ZNF248: variants seen among roughly 807,000 people sequenced by gnomAD.
The protein encoded by ZNF248 is KRAB protein domain.
ZNF248 carries 20 observed loss-of-function variants against 44.3 expected under a neutral mutation model. The ratio of observed to expected loss-of-function variants is 0.45; its 90% CI spans 0.32 to 0.66. The LOEUF (loss-of-function observed/expected upper bound fraction) is 0.66. ZNF248 is among the 30% of genes least tolerant of loss of function. The pLI is 0.04. For missense variants in ZNF248, 654 were observed against 677.0 expected, an observed-to-expected ratio of 0.97 and a Z score of 0.38; for synonymous variants, 224 against 229.0, an observed-to-expected ratio of 0.98 and a Z score of 0.20.
downstream of ZNF248, among the ~76,000 whole-genome samples, chr10:37,825,932 T>C (rs1280516036): frequency 2.6e-5 from 4 of 151,182 alleles, no homozygotes; most frequent in African/African-American, 9.7e-5. Flanking sequence ...GAGAGAAAAC[T>C]TGGACAAGTG....
rs914941997 is a variant in ZNF248, at chr10:37,784,570, C to T, written c.331-7995G>A. On this transcript the variant is annotated intron_variant, in intron 6 of 6. Coordinates refer to the ZNF248 transcript ENST00000615949. The stretch of plus-strand genomic sequence containing the variant: ...CTAGAAAAAATAATAATCTCTGGAG[C>T]TTAATATGCAGCTATTAAACTGCAA... Among the ~76,000 whole-genome samples, 5 of 152,208 alleles carry T rather than the reference C, an allele frequency of 3.3e-5. No homozygotes were observed. In the East Asian group the frequency reaches 5.8e-4, roughly 18 times the overall value.
intron 3 of ZNF248, among the ~76,000 whole-genome samples, chr10:37,839,506 A>AACAC (rs771239384): frequency 1.8e-4 from 20 of 110,824 alleles, no homozygotes; most frequent in Non-Finnish European, 3.1e-4. Flanking sequence ...TGTATACACA[A>AACAC]ACACACACAC....
chr10:37,775,789 C>A (rs1029623683), downstream of ZNF248, among the ~76,000 whole-genome samples: 2 of 152,162 alleles, frequency 1.3e-5, no homozygotes, highest in Non-Finnish European at 2.9e-5. Flanking sequence ...GAGTTGCTAA[C>A]CCTTAAGGAA....
chr10:37,844,672 T>C (rs1260499074), intron 3 of ZNF248, among the ~76,000 whole-genome samples: 1 of 152,186 alleles, frequency 6.6e-6, no homozygotes, highest in Non-Finnish European at 1.5e-5. Flanking sequence ...ACTAGATTGT[T>C]ATAAATGTGG....
chr10:37,855,869 G>A (rs2061199331), intron 3 of ZNF248, among the ~76,000 whole-genome samples: 2 of 152,192 alleles, frequency 1.3e-5, no homozygotes, highest in South Asian at 2.1e-4. Flanking sequence ...CAAACAGTTA[G>A]GGAAAACTGT....
At chr10:37,846,150 G>T (rs561243918) in intron 3 of ZNF248, among the ~76,000 whole-genome samples, 3 of 152,146 alleles carry the variant, frequency 2.0e-5, no homozygotes, top group African/African-American at 7.2e-5. Flanking sequence ...CCAATGCCCT[G>T]CAATAAATGC....
At chr10:37,818,645 A>G in intron 6 of ZNF248, 3 of 505,050 alleles carry the variant, frequency 5.9e-6, no homozygotes, top group Middle Eastern at 5.7e-4. Flanking sequence ...AGGTTGATGC[A>G]ATAGCAGCCC....
chr10:37,821,003 C>T, intron 6 of ZNF248: 1 of 1,457,936 alleles, frequency 6.9e-7, no homozygotes, highest in Non-Finnish European at 9.5e-7. Context: ...CAGAGCGTCT[C>T]CCGAGACTAA....
chr10:37,790,547 TA>T (rs1406411392), intron 6 of ZNF248, among the ~76,000 whole-genome samples: 2 of 151,304 alleles, frequency 1.3e-5, no homozygotes, highest in Non-Finnish European at 2.9e-5. Context: ...CCGTTTCTAC[TA>T]AAAATACCAA....
intron 3 of ZNF248, among the ~76,000 whole-genome samples, chr10:37,844,808 A>C (rs2058988358): frequency 6.6e-6 from 1 of 152,200 alleles, no homozygotes; most frequent in South Asian, 2.1e-4. Flanking sequence ...AAAGAAATGA[A>C]CAAACAATTC....
chr10:37,790,792 C>T (rs976806904), intron 6 of ZNF248, among the ~76,000 whole-genome samples: 2 of 150,394 alleles, frequency 1.3e-5, no homozygotes, highest in African/African-American at 4.9e-5. Flanking sequence ...TGAGTGTGCA[C>T]TCCTGTAGCT....
At chr10:37,772,668 G>T (rs1343633486), downstream of ZNF248, among the ~76,000 whole-genome samples, 1 of 152,230 alleles carries the variant, frequency 6.6e-6, no homozygotes, top group Admixed American at 6.5e-5. Context: ...ACCACAGTAT[G>T]AGAAACCTGC....
the ZNF248 span, among the ~76,000 whole-genome samples, chr10:37,764,419 C>A: frequency 2.0e-5 from 3 of 152,144 alleles, no homozygotes; most frequent in Admixed American, 6.5e-5. Context: ...TTTAATTTCA[C>A]CCCAGTCCTG....
the ZNF248 span, among the ~76,000 whole-genome samples, chr10:37,768,662 GA>G: frequency 3.9e-5 from 6 of 152,138 alleles, no homozygotes; most frequent in African/African-American, 1.2e-4. Context: ...GCCGACAAGA[GA>G]AAGGAGGAAA....
downstream of ZNF248, among the ~76,000 whole-genome samples, chr10:37,826,653 C>A (rs748117262): frequency 3.3e-5 from 5 of 152,154 alleles, no homozygotes; most frequent in South Asian, 2.1e-4. Flanking sequence ...AAAAACCATA[C>A]GTAATAGTAG....
Position 37,829,952 on chromosome 10 carries a change from C to T in ZNF248, c.*1663G>A, listed in dbSNP as rs1589594620. Reference sequence around the variant, plus strand: ...CACAAAAATATAAAATTTAGCTCAGCAAGGATGAAGTAGGGAATGGCCATC... The same window carrying T: ...CACAAAAATATAAAATTTAGCTCAGTAAGGATGAAGTAGGGAATGGCCATC... On this transcript the variant is annotated 3_prime_UTR_variant, in exon 6 of 6. Coordinates refer to ENST00000395867, the MANE Select transcript of ZNF248 (RefSeq NM_021045.3). The T allele has an allele frequency of 1.0e-6, 1 of 985,338 alleles. No homozygotes were observed. Among genetic ancestry groups the T allele is most frequent in the Non-Finnish European group, 1.2e-6 (1 of 829,922 alleles). 61.0% of individuals were successfully genotyped at this position (985,338 alleles called of 1,614,324 possible). A position where few individuals can be genotyped will look rare whatever the true frequency, so the allele number is the denominator to read the frequency against.
intron 6 of ZNF248, among the ~76,000 whole-genome samples, chr10:37,781,378 A>G (rs932128971): frequency 1.3e-5 from 2 of 152,192 alleles, no homozygotes; most frequent in Non-Finnish European, 2.9e-5. Flanking sequence ...ACCACTTGCC[A>G]TCTTGTTGGC....
In ZNF248 at chr10:37,782,132, GA is replaced by G. The variant is rs202135007; in HGVS notation, c.331-5558del. 6.6e-3 allele frequency among the ~76,000 whole-genome samples: 1,009 copies of G among 152,302 alleles called. 15 individuals are homozygous for G. The highest frequency in any genetic ancestry group is 0.059 in the South Asian group (287 of 4,826). On this transcript the variant is annotated intron_variant, in intron 6 of 6. Coordinates refer to the ZNF248 transcript ENST00000615949. ...GCAAAACTCACCTGAAGAATTCAAT[GA>G]AGTCAATCTACCAAGAGTATGTGCA...
At chr10:37,775,697 A>G (rs1315735065), downstream of ZNF248, among the ~76,000 whole-genome samples, 2 of 152,218 alleles carry the variant, frequency 1.3e-5, no homozygotes, top group Non-Finnish European at 2.9e-5. Flanking sequence ...AAATAATATT[A>G]TATCAGAAGA....
Sources: gnomAD v4.1 joint callset for allele counts (sites outside exome capture counted in the v4.1 genomes callset) on GRCh38, gnomAD v4.1.1 for gene constraint, MANE v1.5 for transcripts, NCBI Gene and HGNC (gene_info 2026-07-23, HGNC 2026-07-21) for gene names.